UBE2E2: variants seen among roughly 807,000 people sequenced by gnomAD.
The protein encoded by UBE2E2 is ubiquitin-conjugating enzyme E2 E2.
A neutral mutation model predicts 24.7 loss-of-function variants in UBE2E2; 6 were observed. The observed-to-expected ratio is 0.24, with a 90% CI of 0.13 to 0.48. The LOEUF (loss-of-function observed/expected upper bound fraction) is 0.48, where lower values mean the gene tolerates loss of function less well. UBE2E2 is among the 20% of genes least tolerant of loss of function. UBE2E2 has a pLI of 0.99. For synonymous variants in UBE2E2, 104 were observed against 83.6 expected (o/e 1.24, Z -1.33); for missense variants, 169 against 245.0 (o/e 0.69, Z 2.07).
chr3:23,347,412 A>T, intron 3 of UBE2E2, among the ~76,000 whole-genome samples: 1 of 152,206 alleles, frequency 6.6e-6, no homozygotes, highest in East Asian at 1.9e-4. Context: ...AGGGACATGG[A>T]TGAAGCTGGA....
At chr3:23,352,845 A>G (rs1401254712) in intron 3 of UBE2E2, among the ~76,000 whole-genome samples, 3 of 152,222 alleles carry the variant, frequency 2.0e-5, no homozygotes, top group South Asian at 2.1e-4. Flanking sequence ...AACTATTCCA[A>G]TCAATACAAA....
intron 3 of UBE2E2, among the ~76,000 whole-genome samples, chr3:23,336,890 A>G (rs908922916): frequency 2.0e-5 from 3 of 152,168 alleles, no homozygotes; most frequent in African/African-American, 7.2e-5. Context: ...CTGTAATCCC[A>G]GCACTTTGGG....
chr3:23,570,412 A>G (rs755836971), intron 5 of UBE2E2, among the ~76,000 whole-genome samples: 17 of 152,266 alleles, frequency 1.1e-4, no homozygotes, highest in South Asian at 6.2e-4. Context: ...CCCATTTCCC[A>G]GTAGTGTACT....
chr3:23,554,998 C>T (rs903487612), intron 5 of UBE2E2, among the ~76,000 whole-genome samples: 18 of 151,850 alleles, frequency 1.2e-4, no homozygotes, highest in African/African-American at 4.4e-4. Context: ...CTCACTGCAG[C>T]CTTATCTCCT....
intron 3 of UBE2E2, among the ~76,000 whole-genome samples, chr3:23,305,152 A>AT (rs1366738001): frequency 6.6e-6 from 1 of 152,140 alleles, no homozygotes; most frequent in Non-Finnish European, 1.5e-5. Flanking sequence ...AAGTACTGTC[A>AT]TTTTTTCCCA....
chr3:23,553,441 A>C (rs749094022), intron 5 of UBE2E2, among the ~76,000 whole-genome samples: 1 of 152,172 alleles, frequency 6.6e-6, no homozygotes, highest in Non-Finnish European at 1.5e-5. Context: ...AGCTATAACT[A>C]TAGGGCCTTT....
At chr3:23,239,588 A>G (rs1248280151) in intron 3 of UBE2E2, among the ~76,000 whole-genome samples, 1 of 152,212 alleles carries the variant, frequency 6.6e-6, no homozygotes, top group Non-Finnish European at 1.5e-5. Flanking sequence ...ATTTAGTTTT[A>G]TAATAAAAAA....
chr3:23,507,943 C>T (rs955911715), intron 4 of UBE2E2, among the ~76,000 whole-genome samples: 1 of 152,156 alleles, frequency 6.6e-6, no homozygotes, highest in African/African-American at 2.4e-5. Flanking sequence ...GTTATATCTA[C>T]GTTAAATAAT....
In UBE2E2 at chr3:23,231,438, C is replaced by T. The variant is rs186861037; in HGVS notation, c.227+14126C>T. On this transcript the variant is annotated intron_variant, in intron 3 of 5. Coordinates refer to ENST00000396703, the MANE Select transcript of UBE2E2 (RefSeq NM_152653.4). ...TAGGGATTGTGTGTGGGGTAGAAAA[C>T]AACACAAACTCAGGACGCTTTTAAA... Among the ~76,000 whole-genome samples, 34 of 152,218 alleles carry T rather than the reference C, an allele frequency of 2.2e-4. 1 individual carries two copies. The highest frequency in any genetic ancestry group is 8.2e-4 in the African/African-American group (34 of 41,536).
intron 3 of UBE2E2, among the ~76,000 whole-genome samples, chr3:23,395,281 C>A (rs953987461): frequency 3.3e-5 from 5 of 152,186 alleles, no homozygotes; most frequent in African/African-American, 1.2e-4. Context: ...TTTCCGGATA[C>A]CAACTAGGTC....
intron 5 of UBE2E2, among the ~76,000 whole-genome samples, chr3:23,573,410 T>G (rs1157466397): frequency 6.6e-6 from 1 of 152,174 alleles, no homozygotes; most frequent in Non-Finnish European, 1.5e-5. Flanking sequence ...CATCATAAGC[T>G]AGGTTAAAGG....
intron 3 of UBE2E2, among the ~76,000 whole-genome samples, chr3:23,468,897 T>G (rs538666846): frequency 6.6e-6 from 1 of 152,334 alleles, no homozygotes; most frequent in South Asian, 2.1e-4. Flanking sequence ...TGGTATATTG[T>G]GGGCATATAC....
chr3:23,589,973 C>T lies in UBE2E2; in HGVS notation c.*142C>T. The T allele has an allele frequency of 1.5e-6, 1 of 675,594 alleles. No homozygotes were observed. The highest frequency in any genetic ancestry group is 2.5e-6 in the Non-Finnish European group (1 of 403,632). 41.8% of individuals were successfully genotyped at this position (675,594 alleles called of 1,614,324 possible). On this transcript the variant is annotated 3_prime_UTR_variant, in exon 6 of 6. Coordinates refer to ENST00000396703, the MANE Select transcript of UBE2E2 (RefSeq NM_152653.4). The surrounding 1 kb of genome is among the most constrained non-coding windows in gnomAD (Gnocchi z 4.1). ...AACCATTTTGTGATGGTATGTTGTC[C>T]ATCTTCCCATCCCAGTTCTTCCTGC...
At chr3:23,309,138 T>C (rs1026230209) in intron 3 of UBE2E2, among the ~76,000 whole-genome samples, 1 of 152,172 alleles carries the variant, frequency 6.6e-6, no homozygotes, top group African/African-American at 2.4e-5. Flanking sequence ...TGAGGGCAGG[T>C]CTTCCTCTCT....
chr3:23,332,676 T>TGG (rs1383837136), intron 3 of UBE2E2, among the ~76,000 whole-genome samples: 6 of 17,462 alleles, frequency 3.4e-4, no homozygotes, highest in African/African-American at 8.6e-4. Flanking sequence ...GCCAGTGGGG[T>TGG]GTGTGTGTGT....
At chr3:23,434,303 A>G (rs1315452190) in intron 3 of UBE2E2, among the ~76,000 whole-genome samples, 1 of 152,154 alleles carries the variant, frequency 6.6e-6, no homozygotes, top group African/African-American at 2.4e-5. Context: ...CCAATTGCTT[A>G]CTAACATAAC....
chr3:23,332,744 A>AT (rs1695099269), intron 3 of UBE2E2, among the ~76,000 whole-genome samples: 1 of 150,894 alleles, frequency 6.6e-6, no homozygotes, highest in South Asian at 2.1e-4. Context: ...TCTCTAGGAA[A>AT]TTTATCAGGT....
At chr3:23,554,803 A>G (rs1170498145) in intron 5 of UBE2E2, among the ~76,000 whole-genome samples, 1 of 152,222 alleles carries the variant, frequency 6.6e-6, no homozygotes, top group Admixed American at 6.5e-5. Context: ...ACTGGGAAAA[A>G]AATATTTACA....
intron 3 of UBE2E2, among the ~76,000 whole-genome samples, chr3:23,378,857 G>C (rs992155137): frequency 9.2e-5 from 14 of 152,122 alleles, no homozygotes; most frequent in African/African-American, 3.4e-4. Flanking sequence ...AATATTACCT[G>C]TTTGGCCTAC....
Sources: allele counts gnomAD v4.1 joint callset (sites outside exome capture counted in the v4.1 genomes callset), GRCh38; gene constraint gnomAD v4.1.1; non-coding constraint Gnocchi (gnomAD v3.1); transcripts MANE v1.5; gene names NCBI Gene and HGNC (gene_info 2026-07-23, HGNC 2026-07-21).